RAB3C: variants seen among roughly 807,000 people sequenced by gnomAD.
RAB3C encodes ras-related protein Rab-3C.
Under a neutral mutation model 26.4 loss-of-function variants are expected in RAB3C, and 17 were observed. The observed-to-expected ratio is 0.64, with a 90% confidence interval of 0.44 to 0.97. The LOEUF (loss-of-function observed/expected upper bound fraction) is 0.97. Among genes scored for constraint, RAB3C ranks in the 50% least tolerant of loss-of-function variants. The pLI, the probability that RAB3C is intolerant of heterozygous loss-of-function variation, is 0.00. For missense variants in RAB3C, 242 were observed against 281.9 expected (o/e 0.86, Z 1.01); for synonymous variants, 91 against 95.9 (o/e 0.95, Z 0.30).
At chr5:58,665,219 C>CA (rs199649001) in intron 2 of RAB3C, among the ~76,000 whole-genome samples, 5,670 of 151,770 alleles carry the variant, frequency 0.037, 203 homozygotes, top group African/African-American at 0.097. Flanking sequence ...ATTTAATGCA[C>CA]AAAAAAAATC....
chr5:58,744,475 G>A (rs79411195), intron 3 of RAB3C, among the ~76,000 whole-genome samples: 3,065 of 152,268 alleles, frequency 0.02, 99 homozygotes, highest in African/African-American at 0.069. Flanking sequence ...GACATCTCCA[G>A]CTAATTCAGT....
intron 2 of RAB3C, among the ~76,000 whole-genome samples, chr5:58,675,011 T>A (rs1018058626): frequency 6.6e-6 from 1 of 152,112 alleles, no homozygotes; most frequent in Non-Finnish European, 1.5e-5. Flanking sequence ...TCGTGGTGAA[T>A]CCAGCACCTT....
intron 2 of RAB3C, among the ~76,000 whole-genome samples, chr5:58,694,942 C>T (rs967423960): frequency 6.6e-6 from 1 of 152,086 alleles, no homozygotes; most frequent in African/African-American, 2.4e-5. Flanking sequence ...TAATTAGATC[C>T]CATTTGTCTG....
At chr5:58,732,618 G>GAGACTGGATGGTACCA (rs1561303620) in intron 3 of RAB3C, among the ~76,000 whole-genome samples, 2 of 152,126 alleles carry the variant, frequency 1.3e-5, no homozygotes, top group African/African-American at 2.4e-5. Context: ...AATGATCCAA[G>GAGACTGGATGGTACCA]AACTGAATGG....
intron 2 of RAB3C, among the ~76,000 whole-genome samples, chr5:58,667,363 A>G (rs1451723541): frequency 1.3e-5 from 2 of 152,156 alleles, no homozygotes; most frequent in Non-Finnish European, 2.9e-5. Flanking sequence ...ACTTAGCTGC[A>G]TTGCACCCTT....
chr5:58,823,973 G>A (rs1288883026), intron 3 of RAB3C, among the ~76,000 whole-genome samples: 2 of 149,694 alleles, frequency 1.3e-5, no homozygotes, highest in Non-Finnish European at 3.0e-5. Context: ...AGAACATGCG[G>A]TGTTTGGTTT....
chr5:58,647,073 A>T (rs566568540), intron 2 of RAB3C, among the ~76,000 whole-genome samples: 1 of 152,162 alleles, frequency 6.6e-6, no homozygotes. Context: ...TCAAATGTAG[A>T]TCCTCTGTTT....
intron 2 of RAB3C, among the ~76,000 whole-genome samples, chr5:58,716,326 G>T (rs1749172994): frequency 6.6e-6 from 1 of 151,950 alleles, no homozygotes; most frequent in Admixed American, 6.6e-5. Context: ...CATGAACAAA[G>T]GTTCAAAAGC....
intron 3 of RAB3C, among the ~76,000 whole-genome samples, chr5:58,820,691 A>G (rs1440386989): frequency 2.6e-5 from 4 of 152,204 alleles, no homozygotes; most frequent in African/African-American, 9.7e-5. Context: ...GAAAATATTC[A>G]TTTTACATTA....
intron 4 of RAB3C, among the ~76,000 whole-genome samples, chr5:58,830,979 A>T (rs755056083): frequency 6.6e-6 from 1 of 152,004 alleles, no homozygotes; most frequent in African/African-American, 2.4e-5. Flanking sequence ...GGACTCAAGC[A>T]ATCTTCCCAT....
chr5:58,643,977 T>C lies in RAB3C; in HGVS notation c.252+26107T>C, dbSNP rs374654718. On this transcript the variant is annotated intron_variant, in intron 2 of 4. Transcript: ENST00000282878. Reference sequence around the variant, plus strand: ...CTGGGATTACAGGCACCTGCCATGATGCCTGACTAATTTTCGTACTTTTAG... The same window carrying C: ...CTGGGATTACAGGCACCTGCCATGACGCCTGACTAATTTTCGTACTTTTAG... Among the ~76,000 whole-genome samples the C allele has an allele frequency of 4.7e-4, 72 of 152,140 alleles. 1 individual carries two copies. Among genetic ancestry groups the C allele is most frequent in the Admixed American group, 3.6e-3 (55 of 15,288 alleles).
At chr5:58,775,584 C>A (rs1489704817) in intron 3 of RAB3C, among the ~76,000 whole-genome samples, 1 of 152,006 alleles carries the variant, frequency 6.6e-6, no homozygotes, top group Non-Finnish European at 1.5e-5. Flanking sequence ...ACACATGATA[C>A]GTACCAGGTG....
chr5:58,628,314 G>A (rs1268414000), intron 2 of RAB3C, among the ~76,000 whole-genome samples: 3 of 152,116 alleles, frequency 2.0e-5, no homozygotes, highest in Non-Finnish European at 4.4e-5. Context: ...TAATTTTAGG[G>A]AGTTTAATGA....
chr5:58,816,778 G>C (rs1335726898), intron 3 of RAB3C, among the ~76,000 whole-genome samples: 1 of 152,166 alleles, frequency 6.6e-6, no homozygotes, highest in Non-Finnish European at 1.5e-5. Flanking sequence ...ATCAGAATTG[G>C]AAGGAAGACG....
intron 2 of RAB3C, among the ~76,000 whole-genome samples, chr5:58,659,514 G>C (rs578222367): frequency 6.6e-6 from 1 of 152,090 alleles, no homozygotes; most frequent in South Asian, 2.1e-4. Context: ...GAAAGGAATA[G>C]ACTTCATTGC....
At chr5:58,672,365 T>C (rs932709978) in intron 2 of RAB3C, among the ~76,000 whole-genome samples, 2 of 152,192 alleles carry the variant, frequency 1.3e-5, no homozygotes, top group Non-Finnish European at 2.9e-5. Context: ...GGACCTCTAA[T>C]GCAGTGGAAT....
chr5:58,633,990 A>G (rs949939514), intron 2 of RAB3C, among the ~76,000 whole-genome samples: 6 of 151,354 alleles, frequency 4.0e-5, no homozygotes, highest in Non-Finnish European at 7.4e-5. Context: ...AAAAAAAAAA[A>G]ATTAGCCGGG....
intron 2 of RAB3C, among the ~76,000 whole-genome samples, chr5:58,665,947 A>C (rs1747993724): frequency 6.6e-6 from 1 of 152,166 alleles, no homozygotes; most frequent in Non-Finnish European, 1.5e-5. Flanking sequence ...TCAGTGGGAA[A>C]CGTGCATATC....
chr5:58,665,744 C>T (rs893095265), intron 2 of RAB3C, among the ~76,000 whole-genome samples: 3 of 152,132 alleles, frequency 2.0e-5, no homozygotes, highest in Non-Finnish European at 4.4e-5. Flanking sequence ...TTTCTATCTT[C>T]GTGGTAGCAT....
Sources: gnomAD v4.1 joint callset for allele counts (sites outside exome capture counted in the v4.1 genomes callset) on GRCh38, gnomAD v4.1.1 for gene constraint, MANE v1.5 for transcripts, NCBI Gene and HGNC (gene_info 2026-07-23, HGNC 2026-07-21) for gene names.